Variants in NRXN1 observed in about 807,000 individuals in gnomAD.
NRXN1 encodes neurexin-1.
In NRXN1, 39 loss-of-function variants were observed where a neutral mutation model predicts 150.9. That is an observed-to-expected ratio of 0.26 (90% CI 0.20 to 0.34). The LOEUF is 0.34. Among genes scored for constraint, NRXN1 ranks in the 10% least tolerant of loss-of-function variants. The pLI, the probability that NRXN1 is intolerant of heterozygous loss-of-function variation, is 1.00. For synonymous variants in NRXN1, 924 were observed against 757.0 expected, an observed-to-expected ratio of 1.22 and a Z score of -3.62; for missense variants, 1,815 against 1,949.9, an observed-to-expected ratio of 0.93 and a Z score of 1.30.
chr2:50,803,036 T>C (rs1182010736), intron 5 of NRXN1, among the ~76,000 whole-genome samples: 1 of 152,216 alleles, frequency 6.6e-6, no homozygotes. Flanking sequence ...CAGCTTTTGG[T>C]ACTTTTTGTG....
intron 19 of NRXN1, among the ~76,000 whole-genome samples, chr2:50,068,268 G>A (rs765595942): frequency 3.3e-5 from 5 of 152,140 alleles, no homozygotes; most frequent in Non-Finnish European, 7.4e-5. Flanking sequence ...GTTGGATAAA[G>A]GTGCTGGATA....
At chr2:50,633,521 G>GT (rs138488413) in intron 5 of NRXN1, among the ~76,000 whole-genome samples, 12,820 of 144,762 alleles carry the variant, frequency 0.089, 573 homozygotes, top group East Asian at 0.17. Context: ...ATTTTGTTTT[G>GT]TTTTTTTTTT....
chr2:50,765,952 T>C (rs1702334480), intron 5 of NRXN1, among the ~76,000 whole-genome samples: 1 of 152,004 alleles, frequency 6.6e-6, no homozygotes, highest in African/African-American at 2.4e-5. Context: ...CAGTGACTGA[T>C]TGGTTTTTAT....
At chr2:50,558,782 G>A (rs536633502) in intron 8 of NRXN1, among the ~76,000 whole-genome samples, 14 of 152,240 alleles carry the variant, frequency 9.2e-5, no homozygotes, top group South Asian at 6.2e-4. Flanking sequence ...AGTGAAGGCC[G>A]AGCGCAGTGG....
Position 51,027,745 on chromosome 2 carries a change from G to C in NRXN1, c.529C>G (p.Arg177Gly), listed in dbSNP as rs1342441489. 6.2e-7 allele frequency: 1 copy of C among 1,611,778 alleles called. No homozygotes were observed. The highest frequency in any genetic ancestry group is 8.5e-7 in the Non-Finnish European group (1 of 1,179,000). The change falls in exon 2 of 23, where the codon CGG becomes GGG. Residue 177 changes from arginine to glycine, a missense_variant. By Grantham distance (125) the Arg-to-Gly change is moderately radical. Around this residue, in one of 6 missense-constraint regions of NRXN1, gnomAD observed 554 missense variants for 478.8 expected, o/e 1.16. Coordinates refer to ENST00000401669, the MANE Select transcript of NRXN1 (RefSeq NM_001330078.2). ...CGAATCCACCCCTTGAAGGGCTCCC[G>C]CTCCCTCACCGAGGCCAGGGTGAGC... ...LKLTLASVRE[R>G]EPFKGWIRDV...
At chr2:50,953,674 T>C (rs1392335531) in intron 2 of NRXN1, among the ~76,000 whole-genome samples, 1 of 151,836 alleles carries the variant, frequency 6.6e-6, no homozygotes, top group African/African-American at 2.4e-5. Context: ...GCGATTCTCC[T>C]GCCTCGGCCT....
intron 13 of NRXN1, among the ~76,000 whole-genome samples, chr2:50,503,303 A>C (rs1173956741): frequency 6.6e-6 from 1 of 150,922 alleles, no homozygotes; most frequent in Non-Finnish European, 1.5e-5. Flanking sequence ...ATGAGACTCC[A>C]TCTCAAAAAA....
intron 5 of NRXN1, among the ~76,000 whole-genome samples, chr2:50,796,077 A>G (rs139154835): frequency 1.6e-4 from 25 of 152,178 alleles, no homozygotes; most frequent in African/African-American, 6.0e-4. Context: ...GTAGCTGCTG[A>G]TATTATCCTA....
At chr2:50,258,416 C>A (rs2067928425) in intron 17 of NRXN1, among the ~76,000 whole-genome samples, 1 of 152,006 alleles carries the variant, frequency 6.6e-6, no homozygotes, top group African/African-American at 2.4e-5. Flanking sequence ...TAAGAAGCAA[C>A]TTCTCATTTG....
rs201690356 is a variant in NRXN1 at position 51,026,428 on chromosome 2, G to A, written c.772+1074C>T. 2.5e-6 allele frequency: 4 copies of A among 1,605,148 alleles called. No homozygotes were observed. In the South Asian group the frequency reaches 3.4e-5, roughly 13 times the overall value. On this transcript the variant is annotated intron_variant, in intron 2 of 22. Coordinates refer to ENST00000401669, the MANE Select transcript of NRXN1 (RefSeq NM_001330078.2). ...CAGTATTTTCCTTGGTCATTGTCAT[G>A]TAACAGCACCGGCAAAACACACTGA...
intron 10 of NRXN1, among the ~76,000 whole-genome samples, chr2:50,537,060 C>T (rs1035951573): frequency 6.6e-6 from 1 of 151,952 alleles, no homozygotes; most frequent in Non-Finnish European, 1.5e-5. Flanking sequence ...TAATATTAAT[C>T]TCAGAACTAA....
At chr2:50,434,924 T>C (rs1311055327) in intron 17 of NRXN1, among the ~76,000 whole-genome samples, 1 of 152,218 alleles carries the variant, frequency 6.6e-6, no homozygotes, top group Non-Finnish European at 1.5e-5. Flanking sequence ...GGATACAGTA[T>C]TGTATTTACC....
intron 2 of NRXN1, among the ~76,000 whole-genome samples, chr2:51,001,216 A>G (rs926754458): frequency 5.4e-5 from 4 of 73,462 alleles, no homozygotes; most frequent in Non-Finnish European, 7.2e-5. Flanking sequence ...CATACGTACA[A>G]TGGTAGATTC....
chr2:50,411,753 C>T (rs1397922220), intron 17 of NRXN1, among the ~76,000 whole-genome samples: 4 of 152,068 alleles, frequency 2.6e-5, no homozygotes, highest in Admixed American at 6.5e-5. Context: ...CGCCTCTGCC[C>T]GGCCGCCCCA....
At chr2:50,203,786 C>CAATA (rs1321954170) in intron 18 of NRXN1, among the ~76,000 whole-genome samples, 1 of 152,088 alleles carries the variant, frequency 6.6e-6, no homozygotes, top group Non-Finnish European at 1.5e-5. Flanking sequence ...GCTACAAAAT[C>CAATA]AATAGTTCTT....
At chr2:50,048,639 T>C (rs576127764) in intron 21 of NRXN1, among the ~76,000 whole-genome samples, 1 of 152,276 alleles carries the variant, frequency 6.6e-6, no homozygotes, top group East Asian at 1.9e-4. Flanking sequence ...TTTTCTTGCA[T>C]AAACATTAAT....
chr2:50,963,418 G>C (rs777188726), intron 2 of NRXN1, among the ~76,000 whole-genome samples: 1 of 151,480 alleles, frequency 6.6e-6, no homozygotes, highest in Non-Finnish European at 1.5e-5. Flanking sequence ...AATGGACAAC[G>C]AGGAAAACTA....
At chr2:50,447,737 T>TAATATATATATATATATA (rs2086562012) in intron 17 of NRXN1, among the ~76,000 whole-genome samples, 2 of 37,934 alleles carry the variant, frequency 5.3e-5, no homozygotes, top group Non-Finnish European at 8.6e-5. Flanking sequence ...CAGGGGAACG[T>TAATATATATATATATATA]TATATATATA....
At chr2:50,931,808 A>C (rs1687783041) in intron 2 of NRXN1, among the ~76,000 whole-genome samples, 1 of 152,120 alleles carries the variant, frequency 6.6e-6, no homozygotes, top group Non-Finnish European at 1.5e-5. Context: ...TCTTAGCTAA[A>C]TAAATTAGAT....
Sources: allele counts gnomAD v4.1 joint callset (sites outside exome capture counted in the v4.1 genomes callset), GRCh38; gene constraint gnomAD v4.1.1; regional missense constraint gnomAD v4.1.1; transcripts MANE v1.5; gene names NCBI Gene and HGNC (gene_info 2026-07-23, HGNC 2026-07-21).